Variants in CTNNA3 observed in about 807,000 individuals in gnomAD.
CTNNA3 encodes catenin alpha-3.
A neutral mutation model predicts 95.7 loss-of-function variants in CTNNA3; 76 were observed. That is an observed-to-expected ratio of 0.79 (90% CI 0.66 to 0.96). The LOEUF (loss-of-function observed/expected upper bound fraction) is 0.96. Among genes scored for constraint, CTNNA3 ranks in the 40% least tolerant of loss-of-function variants. CTNNA3 has a pLI of 0.00. For missense variants in CTNNA3, 1,191 were observed against 1,089.8 expected (o/e 1.09, Z -1.31); for synonymous variants, 431 against 374.4 (o/e 1.15, Z -1.74).
At chr10:67,235,819 A>G (rs1345474055) in intron 5 of CTNNA3, among the ~76,000 whole-genome samples, 2 of 142,478 alleles carry the variant, frequency 1.4e-5, no homozygotes, top group Non-Finnish European at 3.0e-5. Context: ...CATTTACAAG[A>G]AAAAAACAAC....
intron 5 of CTNNA3, among the ~76,000 whole-genome samples, chr10:67,509,657 T>C (rs936005539): frequency 6.6e-6 from 1 of 152,238 alleles, no homozygotes; most frequent in African/African-American, 2.4e-5. Context: ...AACATACGTG[T>C]GCATGTGTCT....
chr10:67,351,148 A>C (rs888529956), intron 5 of CTNNA3, among the ~76,000 whole-genome samples: 1 of 151,992 alleles, frequency 6.6e-6, no homozygotes, highest in Non-Finnish European at 1.5e-5. Flanking sequence ...CCACTCATTC[A>C]TATAACATTC....
chr10:66,787,512 C>T (rs1458212678), intron 7 of CTNNA3, among the ~76,000 whole-genome samples: 2 of 152,000 alleles, frequency 1.3e-5, no homozygotes, highest in African/African-American at 2.4e-5. Flanking sequence ...GTCTCTCCTT[C>T]CTCTCCGGGA....
intron 10 of CTNNA3, among the ~76,000 whole-genome samples, chr10:66,542,489 C>T (rs1042979043): frequency 1.3e-5 from 2 of 151,982 alleles, no homozygotes; most frequent in Non-Finnish European, 2.9e-5. Context: ...GGAACCAACC[C>T]AAATGTCCAA....
At chr10:67,173,323 G>A (rs986693813) in intron 7 of CTNNA3, among the ~76,000 whole-genome samples, 8 of 152,048 alleles carry the variant, frequency 5.3e-5, no homozygotes, top group Non-Finnish European at 5.9e-5. Flanking sequence ...CAGAGCTCCT[G>A]GGATGATATG....
At chr10:66,550,988 C>T (rs1402493488) in intron 10 of CTNNA3, among the ~76,000 whole-genome samples, 2 of 151,702 alleles carry the variant, frequency 1.3e-5, no homozygotes, top group Admixed American at 6.6e-5. Context: ...ACATTGAAAA[C>T]CCCACCAGAT....
chr10:65,936,164 A>G (rs981499693), intron 17 of CTNNA3, among the ~76,000 whole-genome samples: 7 of 152,290 alleles, frequency 4.6e-5, no homozygotes, highest in Admixed American at 4.6e-4. Context: ...GACTTAGAAG[A>G]CAGACTGCGC....
At chr10:67,350,606 C>T (rs1346396904) in intron 5 of CTNNA3, among the ~76,000 whole-genome samples, 2 of 149,416 alleles carry the variant, frequency 1.3e-5, no homozygotes, top group East Asian at 1.9e-4. Context: ...AAACCCACCA[C>T]CAACAACAAA....
At chr10:66,257,328 G>A (rs541947896) in intron 13 of CTNNA3, among the ~76,000 whole-genome samples, 1 of 152,150 alleles carries the variant, frequency 6.6e-6, no homozygotes, top group African/African-American at 2.4e-5. Flanking sequence ...TTTTCTCACA[G>A]GTATTGATGG....
intron 14 of CTNNA3, among the ~76,000 whole-genome samples, chr10:66,099,401 G>T (rs2081527386): frequency 6.6e-6 from 1 of 152,144 alleles, no homozygotes; most frequent in Non-Finnish European, 1.5e-5. Flanking sequence ...ATGGATAAGA[G>T]ATTGAAGATA....
intron 1 of CTNNA3, among the ~76,000 whole-genome samples, chr10:67,701,619 A>G (rs2133603340): frequency 6.6e-6 from 1 of 152,330 alleles, no homozygotes. Flanking sequence ...ACAGCTCCTG[A>G]AGGAAGCACT....
At chr10:66,514,668 C>G (rs1179049330) in intron 11 of CTNNA3, among the ~76,000 whole-genome samples, 6 of 151,980 alleles carry the variant, frequency 3.9e-5, no homozygotes, top group Non-Finnish European at 7.4e-5. Flanking sequence ...ATTTCCAGTA[C>G]CTTTCATGGG....
intron 9 of CTNNA3, among the ~76,000 whole-genome samples, chr10:66,643,245 A>G (rs1845578649): frequency 6.6e-6 from 1 of 152,182 alleles, no homozygotes; most frequent in African/African-American, 2.4e-5. Context: ...TTTTATTTCC[A>G]AGTAGAAAAT....
rs185045743 is a variant in CTNNA3 at position 66,880,869 on chromosome 10, C to T, written c.1048-105345G>A. ...CTACACGTAACCCTGAAGTTACAGCCTTACAACTCTTAGGAAGTTCTTTCA... is the reference window on the plus strand; with the variant it reads ...CTACACGTAACCCTGAAGTTACAGCTTTACAACTCTTAGGAAGTTCTTTCA... On this transcript the variant is annotated intron_variant, in intron 7 of 17. Transcript: ENST00000433211. Among the ~76,000 whole-genome samples, 9 of 152,216 alleles carry T rather than the reference C, an allele frequency of 5.9e-5. 1 individual carries two copies. Among genetic ancestry groups the T allele is most frequent in the African/African-American group, 1.9e-4 (8 of 41,532 alleles).
chr10:67,621,475 C>A (rs1343944081), intron 2 of CTNNA3, among the ~76,000 whole-genome samples: 1 of 152,082 alleles, frequency 6.6e-6, no homozygotes. Flanking sequence ...CTAGGCCAGG[C>A]GCAGTGGCTC....
intron 10 of CTNNA3, among the ~76,000 whole-genome samples, chr10:66,534,337 T>C (rs1280111352): frequency 6.6e-6 from 1 of 152,040 alleles, no homozygotes; most frequent in Non-Finnish European, 1.5e-5. Flanking sequence ...TCTATTTAAA[T>C]TGACCTGAAA....
intron 5 of CTNNA3, among the ~76,000 whole-genome samples, chr10:67,491,439 C>A (rs974299218): frequency 6.6e-6 from 1 of 152,108 alleles, no homozygotes; most frequent in Non-Finnish European, 1.5e-5. Flanking sequence ...GAAATCCTTT[C>A]GAAACACCAT....
At chr10:65,978,430 A>AC (rs1313479959) in intron 16 of CTNNA3, among the ~76,000 whole-genome samples, 1 of 142,882 alleles carries the variant, frequency 7.0e-6, no homozygotes, top group Non-Finnish European at 1.5e-5. Flanking sequence ...TATTGTAAGC[A>AC]TTTTTTTTTT....
At chr10:66,508,818 G>A (rs1395949471) in intron 11 of CTNNA3, among the ~76,000 whole-genome samples, 3 of 151,712 alleles carry the variant, frequency 2.0e-5, no homozygotes, top group African/African-American at 7.3e-5. Context: ...CCATATCTTC[G>A]CTCTTATGAA....
Sources: allele counts gnomAD v4.1 joint callset (sites outside exome capture counted in the v4.1 genomes callset), GRCh38; gene constraint gnomAD v4.1.1; transcripts MANE v1.5; gene names NCBI Gene and HGNC (gene_info 2026-07-23, HGNC 2026-07-21).